Variants in UCK1 observed in about 807,000 individuals in gnomAD.
UCK1 encodes the protein cytidine monophosphokinase 1.
A neutral mutation model predicts 34.0 loss-of-function variants in UCK1; 20 were observed. That is an observed-to-expected ratio of 0.59 (90% CI 0.41 to 0.86). The LOEUF is 0.86. Ranked by LOEUF, UCK1 falls within the 40% of genes least tolerant of loss-of-function variation. The probability of loss-of-function intolerance (pLI) is 0.00; values close to 1 mark genes in which losing one functional copy is unlikely to be tolerated. For synonymous variants in UCK1, 168 were observed against 155.9 expected, an observed-to-expected ratio of 1.08 and a Z score of -0.58; for missense variants, 343 against 383.6, an observed-to-expected ratio of 0.89 and a Z score of 0.88.
chr9:131,524,947 G>A lies in UCK1; in HGVS notation c.*93C>T, dbSNP rs1165742686. 26 of 1,469,722 alleles carry A rather than the reference G, an allele frequency of 1.8e-5. No homozygotes were observed. The East Asian group carries it at 2.8e-4, about 16-fold the overall frequency. The allele number at this position is 1,469,722 out of a possible 1,614,324, so 91.0% of individuals were successfully genotyped here. ...TGCTAACACTCCCCTGGGGTGCGCC[G>A]AGAGGAAGCAGTGGGTGTGGGTGGG... On this transcript the variant is annotated 3_prime_UTR_variant, in exon 7 of 7. Coordinates refer to ENST00000372215, the MANE Select transcript of UCK1 (RefSeq NM_031432.5).
Position 131,525,943 on chromosome 9 carries a change from C to T in UCK1, c.638G>A (p.Gly213Glu). Reference protein sequence around the residue: ...KKYADVIIPRGVDNMVAINLI... With the variant: ...KKYADVIIPREVDNMVAINLI... ...CAGCTTCTTACCCATATTGTCCACT[C>T]CTCGCGGGATGATCACATCGGCATA... The change falls in exon 6 of 7, where the codon GGA becomes GAA. Residue 213 changes from glycine to glutamate, a missense_variant. By Grantham distance (98) the Gly-to-Glu change is moderately conservative (BLOSUM62 -2). Coordinates refer to ENST00000372215, the MANE Select transcript of UCK1 (RefSeq NM_031432.5). 1 of 1,614,088 alleles carries T rather than the reference C, an allele frequency of 6.2e-7. No individual in the cohort carries two copies. Among genetic ancestry groups the T allele is most frequent in the South Asian group, 1.1e-5 (1 of 91,070 alleles).
rs765417639 is a variant in UCK1, at chr9:131,529,056, A to G, written c.509-18T>C. The G allele has an allele frequency of 1.2e-5, 19 of 1,613,736 alleles. No individual in the cohort carries two copies. Among genetic ancestry groups the G allele is most frequent in the Non-Finnish European group, 1.5e-5 (18 of 1,179,962 alleles). On this transcript the variant is annotated intron_variant, in intron 4 of 6. Coordinates refer to ENST00000372215, the MANE Select transcript of UCK1 (RefSeq NM_031432.5). ...CCGGAGAACTGCAGCGGCAAGGGGC[A>G]GGCGTGCTTCAGACCTCAGGACCTG...
rs1950526329 is a variant in UCK1 at position 131,524,959 on chromosome 9, T to C, written c.*81A>G. On this transcript the variant is annotated 3_prime_UTR_variant, in exon 7 of 7. Coordinates refer to ENST00000372215, the MANE Select transcript of UCK1 (RefSeq NM_031432.5). ...CCTGGGGTGCGCCGAGAGGAAGCAG[T>C]GGGTGTGGGTGGGCGTCCCCAGGCT... is the stretch of plus-strand genomic sequence containing the variant. 2 of 1,509,292 alleles carry C rather than the reference T, an allele frequency of 1.3e-6. No individual in the cohort carries two copies. The highest frequency in any genetic ancestry group is 1.8e-6 in the Non-Finnish European group (2 of 1,119,976). The allele number at this position is 1,509,292 out of a possible 1,614,324, so 93.5% of individuals were successfully genotyped here.
In UCK1 at chr9:131,525,148, C is replaced by T. The variant is rs747259138; in HGVS notation, c.726G>A (p.Gly242=). ...NGDICKWHRG[G]SNGRSYKRTF... is the part of the protein sequence containing the mutation. ...TCCGCTTGTAGCTCCGCCCATTGGACCCTCCTCGGTGCCATTTGCAGATGT... is the reference window on the plus strand; with the variant it reads ...TCCGCTTGTAGCTCCGCCCATTGGATCCTCCTCGGTGCCATTTGCAGATGT... Residue 242 remains glycine, a synonymous_variant, in exon 7 of 7, where the codon GGG becomes GGA. Coordinates refer to ENST00000372215, the MANE Select transcript of UCK1 (RefSeq NM_031432.5). 12 of 1,614,132 alleles carry T rather than the reference C, an allele frequency of 7.4e-6. No homozygotes were observed. Among genetic ancestry groups the T allele is most frequent in the Admixed American group, 1.7e-5 (1 of 60,024 alleles).
At chr9:131,527,463 CT>C (rs1387459522) in intron 5 of UCK1, among the ~76,000 whole-genome samples, 1 of 152,216 alleles carries the variant, frequency 6.6e-6, no homozygotes, top group African/African-American at 2.4e-5. Flanking sequence ...GAATCACCTA[CT>C]TTTTGCCAAA....
chr9:131,528,048 CCTGTAA>C (rs1950675011), intron 5 of UCK1, among the ~76,000 whole-genome samples: 1 of 152,134 alleles, frequency 6.6e-6, no homozygotes, highest in Non-Finnish European at 1.5e-5. Context: ...GTGGCGTACG[CCTGTAA>C]TCCCAGCTAC....
At position 131,528,946 on chromosome 9, in the gene UCK1, G is replaced by T; in HGVS notation, c.601C>A (p.Pro201Thr). The change falls in exon 5 of 7, where the codon CCG becomes ACG. Residue 201 changes from proline to threonine, a missense_variant and splice_region_variant. Coordinates refer to ENST00000372215, the MANE Select transcript of UCK1 (RefSeq NM_031432.5). ...VKPAFEEFCL[P>T]TKKYADVIIP... is the part of the protein sequence containing the mutation. Reference sequence around the variant, plus strand: ...TCTGAAGCAGCGAGCACAGGTACCGGCAGGCAGAACTCCTCGAAGGCCGGC... The same window carrying T: ...TCTGAAGCAGCGAGCACAGGTACCGTCAGGCAGAACTCCTCGAAGGCCGGC... The T allele has an allele frequency of 6.2e-7, 1 of 1,613,984 alleles. No individual in the cohort carries two copies. The highest frequency in any genetic ancestry group is 8.5e-7 in the Non-Finnish European group (1 of 1,179,954).
chr9:131,528,479 G>A (rs1950695605), intron 5 of UCK1, among the ~76,000 whole-genome samples: 1 of 152,208 alleles, frequency 6.6e-6, no homozygotes, highest in Admixed American at 6.5e-5. Flanking sequence ...CACAGACCCT[G>A]GAGGAGCAGC....
At chr9:131,527,489 TGA>T (rs1950653125) in intron 5 of UCK1, among the ~76,000 whole-genome samples, 1 of 152,156 alleles carries the variant, frequency 6.6e-6, no homozygotes, top group African/African-American at 2.4e-5. Flanking sequence ...TTTCTGTGAA[TGA>T]GAGACTAAAA....
chr9:131,524,087 A>C lies in UCK1; in HGVS notation c.*953T>G, dbSNP rs1008765851. 12 of 152,290 alleles carry C rather than the reference A, an allele frequency of 7.9e-5. No individual in the cohort carries two copies. The highest frequency in any genetic ancestry group is 2.7e-4 in the African/African-American group (11 of 41,456). 9.4% of individuals were successfully genotyped at this position (152,290 alleles called of 1,614,324 possible). ...CTGTGAGCTCCACATAGCACAAAGG[A>C]GGCTTGCTGACTTTGGGCGGCCATG... On this transcript the variant is annotated 3_prime_UTR_variant, in exon 7 of 7. Coordinates refer to ENST00000372215, the MANE Select transcript of UCK1 (RefSeq NM_031432.5).
chr9:131,524,848 G>A lies in UCK1; in HGVS notation c.*192C>T, dbSNP rs893092548. On this transcript the variant is annotated 3_prime_UTR_variant, in exon 7 of 7. Coordinates refer to ENST00000372215, the MANE Select transcript of UCK1 (RefSeq NM_031432.5). ...CTAAGTGGCTGAAAACCTCAGGAAC[G>A]CCTGTCAGTGTCCCAGCAAGTTGAG... The A allele has an allele frequency of 3.0e-5, 19 of 632,290 alleles. No homozygotes were observed. Among genetic ancestry groups the A allele is most frequent in the African/African-American group, 1.5e-4 (8 of 54,120 alleles). 39.2% of individuals were successfully genotyped at this position (632,290 alleles called of 1,614,324 possible).
chr9:131,530,385 A>C (rs2131990713), intron 2 of UCK1, 101 bp downstream of exon 2: 1 of 1,422,792 alleles, frequency 7.0e-7, no homozygotes, highest in Middle Eastern at 2.4e-4. Flanking sequence ...GGAACAGCCC[A>C]AGCGGGTCTG....
rs750553114 is a variant in UCK1 at position 131,530,657 on chromosome 9, G to T, written c.109-12C>A. ...TCACACACGGTCGACTGGAGACACA[G>T]AAGCGGGATTCCCGCCTGGAACCGC... On this transcript the variant is annotated splice_polypyrimidine_tract_variant and intron_variant, in intron 1 of 6. Transcript: ENST00000372215. 1.9e-6 allele frequency: 3 copies of T among 1,614,236 alleles called. No individual in the cohort carries two copies. Among genetic ancestry groups the T allele is most frequent in the South Asian group, 1.1e-5 (1 of 91,088 alleles).
At chr9:131,526,574 T>C (rs1950611928) in intron 5 of UCK1, 2 of 1,248,850 alleles carry the variant, frequency 1.6e-6, no homozygotes, top group African/African-American at 1.5e-5. Flanking sequence ...CGCAGCCAGA[T>C]GGTGGGGGTT....
chr9:131,529,195 C>T lies in UCK1; in HGVS notation c.441G>A (p.Glu147=), dbSNP rs1295442971. 2 of 1,614,066 alleles carry T rather than the reference C, an allele frequency of 1.2e-6. No homozygotes were observed. The highest frequency in any genetic ancestry group is 2.7e-5 in the African/African-American group (2 of 74,954). The change falls in exon 4 of 7, where the codon GAG becomes GAA. Residue 147 remains glutamate, a synonymous_variant. Transcript: ENST00000372215. The part of the protein sequence containing the change: ...FEGILVFYSQ[E]IRDMFHLRLF... ...GGCGCAGGTGGAACATGTCCCGGAT[C>T]TCCTGGCTGTAGAACACCAAGATGC...
rs1382776488 is a variant in UCK1 at position 131,524,963 on chromosome 9, T to C, written c.*77A>G. On this transcript the variant is annotated 3_prime_UTR_variant, in exon 7 of 7. Transcript: ENST00000372215. Reference sequence around the variant, plus strand: ...GGGTGCGCCGAGAGGAAGCAGTGGGTGTGGGTGGGCGTCCCCAGGCTCAGT... The same window carrying C: ...GGGTGCGCCGAGAGGAAGCAGTGGGCGTGGGTGGGCGTCCCCAGGCTCAGT... 3.3e-6 allele frequency: 5 copies of C among 1,523,212 alleles called. No individual in the cohort carries two copies. Among genetic ancestry groups the C allele is most frequent in the Non-Finnish European group, 4.4e-6 (5 of 1,128,612 alleles). 94.4% of individuals were successfully genotyped at this position (1,523,212 alleles called of 1,614,324 possible). A position where few individuals can be genotyped will look rare whatever the true frequency, so the allele number is the denominator to read the frequency against.
rs1027266981 is a variant in UCK1, at chr9:131,524,744, T to G, written c.*296A>C. The G allele has an allele frequency of 5.9e-5, 20 of 336,868 alleles. No homozygotes were observed. The highest frequency in any genetic ancestry group is 4.2e-4 in the African/African-American group (20 of 47,098). The allele number at this position is 336,868 out of a possible 1,614,324, so 20.9% of individuals were successfully genotyped here. ...TCCCCAATAATGTGCCTCACATTCCTCACAGAAGCCTCCCAGGCTTCCTGC... is the reference window on the plus strand; with the variant it reads ...TCCCCAATAATGTGCCTCACATTCCGCACAGAAGCCTCCCAGGCTTCCTGC... On this transcript the variant is annotated 3_prime_UTR_variant, in exon 7 of 7. Transcript: ENST00000372215.
chr9:131,524,654 T>G lies in UCK1; in HGVS notation c.*386A>C. ...CCAGATCAGACTGGAAAAAACTCTC[T>G]CCCACTGTGGGTTCACTGTCAACAA... On this transcript the variant is annotated 3_prime_UTR_variant, in exon 7 of 7. Transcript: ENST00000372215. 1 of 191,164 alleles carries G rather than the reference T, an allele frequency of 5.2e-6. No homozygotes were observed. The allele number at this position is 191,164 out of a possible 1,614,324, so 11.8% of individuals were successfully genotyped here.
At chr9:131,529,458 C>G (rs761386340) in intron 3 of UCK1, 30 bp downstream of exon 3, 1 of 1,613,664 alleles carries the variant, frequency 6.2e-7, no homozygotes, top group Admixed American at 1.7e-5. Flanking sequence ...TGGCCCCTCT[C>G]CTCGGCCCTC....
Sources: allele counts gnomAD v4.1 joint callset (sites outside exome capture counted in the v4.1 genomes callset), GRCh38; gene constraint gnomAD v4.1.1; transcripts MANE v1.5; gene names NCBI Gene and HGNC (gene_info 2026-07-23, HGNC 2026-07-21).